MICU1: variants seen among roughly 807,000 people sequenced by gnomAD.
The protein encoded by MICU1 is mitochondrial calcium uptake 1.
Under a neutral mutation model 56.8 loss-of-function variants are expected in MICU1, and 45 were observed. That is an observed-to-expected ratio of 0.79 (90% CI 0.62 to 1.02). MICU1 has a LOEUF of 1.02. Among genes scored for constraint, MICU1 ranks in the 50% least tolerant of loss-of-function variants. MICU1 has a pLI of 0.00. For synonymous variants in MICU1, 186 were observed against 195.1 expected (o/e 0.95, Z 0.39); for missense variants, 504 against 587.1 (o/e 0.86, Z 1.46).
chr10:72,403,348 T>A (rs1722450247), intron 10 of MICU1, among the ~76,000 whole-genome samples: 1 of 151,678 alleles, frequency 6.6e-6, no homozygotes. Context: ...AGAGAGAAAC[T>A]CTGTCTCAAA....
intron 8 of MICU1, among the ~76,000 whole-genome samples, chr10:72,470,501 G>T (rs1428087846): frequency 6.6e-6 from 1 of 152,070 alleles, no homozygotes; most frequent in Non-Finnish European, 1.5e-5. Context: ...ATGGTGGATG[G>T]GCAAGCAAAC....
chr10:72,420,298 T>C (rs1020896529), intron 9 of MICU1, among the ~76,000 whole-genome samples: 1 of 152,100 alleles, frequency 6.6e-6, no homozygotes, highest in Admixed American at 6.5e-5. Context: ...CAACCTCAGG[T>C]GATTTGCCTG....
intron 6 of MICU1, among the ~76,000 whole-genome samples, chr10:72,489,114 C>A (rs951891254): frequency 2.0e-5 from 3 of 151,860 alleles, no homozygotes; most frequent in Non-Finnish European, 4.4e-5. Flanking sequence ...CAAACCCCAA[C>A]CCCATCTCTA....
chr10:72,415,102 G>C (rs1410841814), intron 9 of MICU1, among the ~76,000 whole-genome samples: 1 of 146,130 alleles, frequency 6.8e-6, no homozygotes, highest in Admixed American at 7.1e-5. Context: ...TGCAACCTTC[G>C]CCTTCCAAGT....
intron 6 of MICU1, among the ~76,000 whole-genome samples, chr10:72,488,313 A>G (rs536221173): frequency 6.6e-6 from 1 of 152,164 alleles, no homozygotes; most frequent in Non-Finnish European, 1.5e-5. Flanking sequence ...AATATGGAAA[A>G]GAATATTTTT....
intron 6 of MICU1, among the ~76,000 whole-genome samples, chr10:72,507,476 T>C (rs1867292128): frequency 6.6e-6 from 1 of 152,196 alleles, no homozygotes; most frequent in Non-Finnish European, 1.5e-5. Flanking sequence ...TCAACTCAAT[T>C]AGGTCAACCA....
chr10:72,419,034 C>T (rs373003795), intron 9 of MICU1, among the ~76,000 whole-genome samples: 1 of 152,272 alleles, frequency 6.6e-6, no homozygotes, highest in African/African-American at 2.4e-5. Context: ...TCTTCAGATC[C>T]TAAATTAACT....
intron 1 of MICU1, among the ~76,000 whole-genome samples, chr10:72,601,367 T>C (rs114413915): frequency 1.4e-5 from 2 of 143,376 alleles, no homozygotes; most frequent in African/African-American, 5.2e-5. Flanking sequence ...AAGGTTTCAG[T>C]GAACCATGCT....
chr10:72,469,817 T>C (rs1865897341), intron 8 of MICU1, among the ~76,000 whole-genome samples: 1 of 152,182 alleles, frequency 6.6e-6, no homozygotes, highest in Admixed American at 6.5e-5. Context: ...CAGGGTTGGT[T>C]TCCTCTGAGG....
intron 8 of MICU1, among the ~76,000 whole-genome samples, chr10:72,432,087 C>CTTT (rs35109632): frequency 8.3e-6 from 1 of 120,524 alleles, no homozygotes; most frequent in Non-Finnish European, 1.7e-5. Flanking sequence ...AATGTATTGC[C>CTTT]TTTTTTTTTT....
At chr10:72,373,142 C>T (rs1033003901) in intron 11 of MICU1, among the ~76,000 whole-genome samples, 7 of 150,540 alleles carry the variant, frequency 4.6e-5, no homozygotes, top group South Asian at 2.1e-4. Context: ...ATTTGAAAAT[C>T]GAATTCTCCA....
In MICU1 at chr10:72,368,099, T is replaced by G. The variant is rs1331527745; in HGVS notation, c.*96A>C. ...AGGTCATCCCGGGAGGAAGGGGGAC[T>G]ACTTCCAGAAGCAGCAGCACAAAGG... On this transcript the variant is annotated 3_prime_UTR_variant, in exon 12 of 12. Transcript: ENST00000361114. The G allele has an allele frequency of 3.0e-6, 4 of 1,317,142 alleles. No homozygotes were observed. The highest frequency in any genetic ancestry group is 4.2e-6 in the Non-Finnish European group (4 of 959,432). The allele number at this position is 1,317,142 out of a possible 1,614,324, so 81.6% of individuals were successfully genotyped here. A position where few individuals can be genotyped will look rare whatever the true frequency, so the allele number is the denominator to read the frequency against.
intron 8 of MICU1, among the ~76,000 whole-genome samples, chr10:72,444,443 C>T (rs112462982): frequency 0.044 from 6,287 of 142,416 alleles, 601 homozygotes; most frequent in African/African-American, 0.16. Flanking sequence ...AGAGTCTTTG[C>T]CTTTTTTTTT....
chr10:72,544,747 T>C (rs866080228), intron 4 of MICU1, among the ~76,000 whole-genome samples: 2 of 152,194 alleles, frequency 1.3e-5, no homozygotes, highest in Admixed American at 1.3e-4. Flanking sequence ...GAGAGGGAGA[T>C]GGGACATATT....
intron 1 of MICU1, among the ~76,000 whole-genome samples, chr10:72,610,391 T>A (rs1841812631): frequency 6.6e-6 from 1 of 152,156 alleles, no homozygotes; most frequent in African/African-American, 2.4e-5. Context: ...ATCTGAGATT[T>A]AAAATTTTAA....
At chr10:72,593,344 A>G (rs1841281179) in intron 1 of MICU1, among the ~76,000 whole-genome samples, 1 of 152,100 alleles carries the variant, frequency 6.6e-6, no homozygotes, top group African/African-American at 2.4e-5. Flanking sequence ...ACACACCTGT[A>G]ATCCCAGCAC....
At position 72,464,295 on chromosome 10, in the gene MICU1, C is replaced by CA. The variant is rs58499998; in HGVS notation, c.933+10804dup. Among the ~76,000 whole-genome samples the CA allele has an allele frequency of 7.6e-3, 758 of 99,916 alleles. 45 individuals carry two copies. Among genetic ancestry groups the CA allele is most frequent in the African/African-American group, 0.021 (473 of 22,356 alleles). 65.5% of individuals were successfully genotyped at this position (99,916 alleles called of 152,430 possible). On this transcript the variant is annotated intron_variant, in intron 8 of 11. Transcript: ENST00000361114. ...GGGGTGACAGAGTGAGATTCTGTCT[C>CA]AAAAAAAAAAAAAAAAAAAAAAAAA...
At chr10:72,399,213 C>A (rs1224411237) in intron 10 of MICU1, among the ~76,000 whole-genome samples, 2 of 151,414 alleles carry the variant, frequency 1.3e-5, no homozygotes, top group East Asian at 1.9e-4. Context: ...ATCACAAGGA[C>A]AGAAAACCAA....
chr10:72,435,611 G>A (rs181983028), intron 8 of MICU1, among the ~76,000 whole-genome samples: 103 of 152,340 alleles, frequency 6.8e-4, no homozygotes, highest in Non-Finnish European at 1.4e-3. Context: ...GGAAGTGCAA[G>A]GGGTTGGGGG....
Sources: gnomAD v4.1 joint callset for allele counts (sites outside exome capture counted in the v4.1 genomes callset) on GRCh38, gnomAD v4.1.1 for gene constraint, MANE v1.5 for transcripts, NCBI Gene and HGNC (gene_info 2026-07-23, HGNC 2026-07-21) for gene names.